WWOX: variants seen among roughly 807,000 people sequenced by gnomAD.
WWOX encodes the protein WW domain containing oxidoreductase, also known as WW domain-containing oxidoreductase.
In WWOX, 69 loss-of-function variants were observed where a neutral mutation model predicts 46.2. That is an observed-to-expected ratio of 1.49 (90% CI 1.23 to 1.82). The LOEUF (loss-of-function observed/expected upper bound fraction) is 1.82, where lower values mean the gene tolerates loss of function less well. WWOX is among the 40% of genes most tolerant of loss of function. WWOX has a pLI of 0.00. For missense variants in WWOX, 919 were observed against 542.6 expected, an observed-to-expected ratio of 1.69 and a Z score of -6.89; for synonymous variants, 359 against 202.6, an observed-to-expected ratio of 1.77 and a Z score of -6.56.
chr16:78,298,999 G>A (rs140317358), intron 5 of WWOX, among the ~76,000 whole-genome samples: 18 of 152,034 alleles, frequency 1.2e-4, no homozygotes, highest in Non-Finnish European at 2.4e-4. Flanking sequence ...GAAAGTTTAC[G>A]CCAAAAAGGA....
At chr16:78,935,444 T>G (rs1053343982) in intron 8 of WWOX, among the ~76,000 whole-genome samples, 2 of 152,170 alleles carry the variant, frequency 1.3e-5, no homozygotes, top group African/African-American at 4.8e-5. Context: ...GATGAGTTCA[T>G]GTCTCTTGTA....
intron 8 of WWOX, among the ~76,000 whole-genome samples, chr16:78,481,212 G>A (rs116890902): frequency 1.1e-3 from 160 of 152,256 alleles, no homozygotes; most frequent in East Asian, 8.5e-3. Flanking sequence ...CTTTTGAGGC[G>A]TATGCCCTTA....
chr16:78,763,856 T>C (rs7204300), intron 8 of WWOX, among the ~76,000 whole-genome samples: 7 of 152,202 alleles, frequency 4.6e-5, no homozygotes, highest in African/African-American at 1.7e-4. Flanking sequence ...CTAATTGCCC[T>C]GCAGAGTTTT....
At chr16:79,123,940 A>G (rs1471773453) in intron 8 of WWOX, among the ~76,000 whole-genome samples, 1 of 152,202 alleles carries the variant, frequency 6.6e-6, no homozygotes, top group Non-Finnish European at 1.5e-5. Context: ...GTATCAAATC[A>G]TGGGCGAATT....
chr16:78,768,115 A>G lies in WWOX; in HGVS notation c.1056+335363A>G, dbSNP rs1030377651. ...ATTATGTGTTTTACCGGGTAATTGT[A>G]ATTCTTGGCTTTGGATTTTGTCCCT... On this transcript the variant is annotated intron_variant, in intron 8 of 8. Coordinates refer to ENST00000566780, the MANE Select transcript of WWOX (RefSeq NM_016373.4). Among the ~76,000 whole-genome samples the G allele has an allele frequency of 2.0e-5, 3 of 150,590 alleles. No individual in the cohort carries two copies. The South Asian group carries it at 6.3e-4, about 32-fold the overall frequency.
intron 8 of WWOX, among the ~76,000 whole-genome samples, chr16:79,025,557 G>C (rs1215585638): frequency 1.3e-5 from 2 of 152,058 alleles, no homozygotes; most frequent in Admixed American, 6.5e-5. Context: ...GGCACCCCCA[G>C]ATACCAGGAG....
intron 8 of WWOX, among the ~76,000 whole-genome samples, chr16:78,799,858 G>C (rs1421305768): frequency 6.6e-6 from 1 of 152,170 alleles, no homozygotes; most frequent in African/African-American, 2.4e-5. Flanking sequence ...ATGCATATTA[G>C]TCAAAGTTCC....
chr16:78,645,997 TC>T (rs1269992103), intron 8 of WWOX, among the ~76,000 whole-genome samples: 2 of 152,024 alleles, frequency 1.3e-5, no homozygotes, highest in Non-Finnish European at 2.9e-5. Flanking sequence ...CCCCCTCCTC[TC>T]CCCCTTTGTC....
chr16:78,875,240 G>C (rs996121285), intron 8 of WWOX, among the ~76,000 whole-genome samples: 1 of 152,198 alleles, frequency 6.6e-6, no homozygotes, highest in Middle Eastern at 3.4e-3. Context: ...GATGTTCACC[G>C]CTTCTTTAGG....
intron 8 of WWOX, among the ~76,000 whole-genome samples, chr16:78,973,789 A>T (rs2046518185): frequency 6.6e-6 from 1 of 152,212 alleles, no homozygotes; most frequent in Admixed American, 6.5e-5. Context: ...TTCTGTGCTG[A>T]TATGCGGGCA....
intron 6 of WWOX, among the ~76,000 whole-genome samples, chr16:78,417,328 A>G (rs943637437): frequency 1.4e-4 from 21 of 152,008 alleles, no homozygotes; most frequent in African/African-American, 5.1e-4. Flanking sequence ...CCTGAGTCCA[A>G]AAGATGCTGC....
chr16:78,752,670 C>T (rs1397090728), intron 8 of WWOX, among the ~76,000 whole-genome samples: 2 of 152,194 alleles, frequency 1.3e-5, no homozygotes, highest in Non-Finnish European at 2.9e-5. Flanking sequence ...CATTTGTCTT[C>T]TGTTTTCCCC....
chr16:79,199,775 G>T (rs543805848), intron 8 of WWOX, among the ~76,000 whole-genome samples: 1 of 152,206 alleles, frequency 6.6e-6, no homozygotes, highest in South Asian at 2.1e-4. Flanking sequence ...TCGAAGGTCA[G>T]CTACACAACT....
chr16:78,922,830 G>C (rs2045409973), intron 8 of WWOX, among the ~76,000 whole-genome samples: 1 of 152,042 alleles, frequency 6.6e-6, no homozygotes, highest in South Asian at 2.1e-4. Flanking sequence ...TCCCAGTCCT[G>C]GGCACCATTG....
intron 8 of WWOX, among the ~76,000 whole-genome samples, chr16:78,602,120 C>G (rs1467795848): frequency 6.6e-6 from 1 of 152,178 alleles, no homozygotes; most frequent in African/African-American, 2.4e-5. Flanking sequence ...CGCTTTTGAA[C>G]TAATCACACT....
At chr16:78,863,492 C>G (rs1003722175) in intron 8 of WWOX, among the ~76,000 whole-genome samples, 3 of 152,146 alleles carry the variant, frequency 2.0e-5, no homozygotes, top group African/African-American at 4.8e-5. Flanking sequence ...CACCAATGGA[C>G]CACTGGTCCC....
intron 5 of WWOX, among the ~76,000 whole-genome samples, chr16:78,287,427 C>CA (rs999131173): frequency 5.9e-5 from 9 of 152,064 alleles, no homozygotes; most frequent in Non-Finnish European, 1.2e-4. Context: ...TCCAGGGCCA[C>CA]AAAAAATATC....
intron 6 of WWOX, among the ~76,000 whole-genome samples, chr16:78,413,036 G>C (rs1008604495): frequency 1.3e-5 from 2 of 152,162 alleles, no homozygotes; most frequent in Non-Finnish European, 2.9e-5. Flanking sequence ...GAATGAGCCA[G>C]TGGAGAGGAA....
At chr16:78,664,059 C>T (rs561598359) in intron 8 of WWOX, among the ~76,000 whole-genome samples, 19 of 152,232 alleles carry the variant, frequency 1.2e-4, no homozygotes, top group African/African-American at 2.4e-4. Flanking sequence ...TTTTAAAAGA[C>T]GCCATGGTTG....
Sources: gnomAD v4.1 joint callset for allele counts (sites outside exome capture counted in the v4.1 genomes callset) on GRCh38, gnomAD v4.1.1 for gene constraint, MANE v1.5 for transcripts, NCBI Gene and HGNC (gene_info 2026-07-23, HGNC 2026-07-21) for gene names.